FAM168A: variants seen among roughly 807,000 people sequenced by gnomAD.
FAM168A encodes family with sequence similarity 168 member A.
A neutral mutation model predicts 28.5 loss-of-function variants in FAM168A; 3 were observed. The observed-to-expected ratio is 0.11, with a 90% CI of 0.05 to 0.27. FAM168A has a LOEUF of 0.27. Among genes scored for constraint, FAM168A ranks in the 10% least tolerant of loss-of-function variants. The pLI, the probability that FAM168A is intolerant of heterozygous loss-of-function variation, is 1.00. For missense variants in FAM168A, 222 were observed against 311.5 expected, an observed-to-expected ratio of 0.71 and a Z score of 2.16; for synonymous variants, 122 against 124.2, an observed-to-expected ratio of 0.98 and a Z score of 0.12.
intron 1 of FAM168A, among the ~76,000 whole-genome samples, chr11:73,569,717 G>A (rs1280374740): frequency 6.6e-6 from 1 of 152,074 alleles, no homozygotes; most frequent in Admixed American, 6.6e-5. Context: ...AGCTACTCAG[G>A]AGGCTGAGGC....
intron 1 of FAM168A, among the ~76,000 whole-genome samples, chr11:73,572,609 G>A (rs1944116339): frequency 6.7e-6 from 1 of 149,886 alleles, no homozygotes; most frequent in Non-Finnish European, 1.5e-5. Flanking sequence ...CATGTGCTGT[G>A]TCCACTCAGG....
chr11:73,564,386 C>A (rs1943994170), intron 1 of FAM168A, among the ~76,000 whole-genome samples: 1 of 152,126 alleles, frequency 6.6e-6, no homozygotes, highest in Admixed American at 6.5e-5. Flanking sequence ...ACTGTGCTCT[C>A]ACAGAATATA....
intron 1 of FAM168A, among the ~76,000 whole-genome samples, chr11:73,539,435 A>T (rs958903919): frequency 4.6e-5 from 7 of 151,890 alleles, no homozygotes; most frequent in African/African-American, 1.7e-4. Flanking sequence ...ATGCCTGGCT[A>T]ATTTTTTGTA....
chr11:73,430,763 G>C lies in FAM168A; in HGVS notation c.78C>G (p.Pro26=). 6.2e-7 allele frequency: 1 copy of C among 1,611,006 alleles called. No homozygotes were observed. Among genetic ancestry groups the C allele is most frequent in the Non-Finnish European group, 8.5e-7 (1 of 1,178,446 alleles). Residue 26 remains proline (P), a synonymous_variant, in exon 3 of 8, where the codon CCC becomes CCG. Transcript: ENST00000356467. ...NPKNMAYTGY[P]TAYPAAAPAY... ...CAGGGGCAGCTGCTGGATAGGCTGTGGGGTAACCTACAGAGAGATAAGAAA... is the reference window on the plus strand; with the variant it reads ...CAGGGGCAGCTGCTGGATAGGCTGTCGGGTAACCTACAGAGAGATAAGAAA...
At chr11:73,426,618 T>A (rs1866888486) in intron 3 of FAM168A, among the ~76,000 whole-genome samples, 1 of 152,118 alleles carries the variant, frequency 6.6e-6, no homozygotes, top group East Asian at 1.9e-4. Flanking sequence ...AGTCAGGAAA[T>A]CTGCACTGTG....
At chr11:73,551,216 T>C (rs1224927723) in intron 1 of FAM168A, among the ~76,000 whole-genome samples, 1 of 151,994 alleles carries the variant, frequency 6.6e-6, no homozygotes, top group African/African-American at 2.4e-5. Context: ...TCCTCCAAGT[T>C]ATGAAAAAAC....
At chr11:73,499,371 T>G (rs113465107) in intron 1 of FAM168A, among the ~76,000 whole-genome samples, 12,575 of 149,614 alleles carry the variant, frequency 0.084, 649 homozygotes, top group Non-Finnish European at 0.11. Flanking sequence ...CATCCAAGAG[T>G]CAGCAGCCTC....
chr11:73,422,778 T>G (rs1307786893), intron 3 of FAM168A, among the ~76,000 whole-genome samples: 1 of 145,616 alleles, frequency 6.9e-6, no homozygotes, highest in Non-Finnish European at 1.5e-5. Context: ...ATGTTATCCC[T>G]CAATTAAACG....
chr11:73,594,699 T>G (rs1944424344), intron 1 of FAM168A, among the ~76,000 whole-genome samples: 1 of 152,130 alleles, frequency 6.6e-6, no homozygotes, highest in Non-Finnish European at 1.5e-5. Flanking sequence ...CAGCTAATTT[T>G]TGTATTTGTA....
intron 1 of FAM168A, among the ~76,000 whole-genome samples, chr11:73,536,706 T>C (rs768542113): frequency 3.9e-5 from 6 of 151,996 alleles, no homozygotes; most frequent in Admixed American, 1.3e-4. Flanking sequence ...ATAATAATAA[T>C]AGGCCTCTCC....
At chr11:73,506,492 A>G (rs1021480231) in intron 1 of FAM168A, among the ~76,000 whole-genome samples, 13 of 152,194 alleles carry the variant, frequency 8.5e-5, no homozygotes, top group African/African-American at 3.1e-4. Context: ...GCCTGTGCTC[A>G]TGAAATCCCT....
intron 1 of FAM168A, among the ~76,000 whole-genome samples, chr11:73,549,030 C>T (rs999252809): frequency 2.0e-5 from 3 of 152,112 alleles, no homozygotes; most frequent in Admixed American, 2.0e-4. Flanking sequence ...CAACCTCCAC[C>T]CCCCGAGTTC....
intron 1 of FAM168A, among the ~76,000 whole-genome samples, chr11:73,576,636 T>A (rs1393838340): frequency 6.6e-6 from 1 of 152,172 alleles, no homozygotes; most frequent in African/African-American, 2.4e-5. Context: ...ATCAACTGTT[T>A]TCTACATGCC....
intron 1 of FAM168A, among the ~76,000 whole-genome samples, chr11:73,581,490 A>G (rs1944243667): frequency 6.6e-6 from 1 of 152,250 alleles, no homozygotes; most frequent in Admixed American, 6.5e-5. Flanking sequence ...TGAGATTCAC[A>G]GAGTACTTAA....
At chr11:73,407,470 G>A in intron 7 of FAM168A, 43 bp downstream of exon 7, 2 of 1,393,364 alleles carry the variant, frequency 1.4e-6, no homozygotes, top group Non-Finnish European at 9.7e-7. Context: ...GGCAGTTCCT[G>A]TATGTATCCC....
At chr11:73,469,002 C>T (rs1004403460) in intron 1 of FAM168A, among the ~76,000 whole-genome samples, 4 of 152,144 alleles carry the variant, frequency 2.6e-5, no homozygotes, top group South Asian at 2.1e-4. Flanking sequence ...GTGTCTCATC[C>T]GCCCCTTACA....
intron 1 of FAM168A, among the ~76,000 whole-genome samples, chr11:73,509,970 AC>A (rs1341191332): frequency 6.6e-6 from 1 of 151,924 alleles, no homozygotes; most frequent in African/African-American, 2.4e-5. Flanking sequence ...CTTTCCCTTT[AC>A]CGCCATTCAC....
chr11:73,430,839 A>AC, intron 2 of FAM168A, 69 bp from the exon 3 acceptor site: 5 of 1,287,344 alleles, frequency 3.9e-6, no homozygotes, highest in Admixed American at 2.3e-5. Context: ...ACAAAACAAA[A>AC]AAACACCCAG....
At chr11:73,408,691 G>T (rs112673365) in intron 6 of FAM168A, among the ~76,000 whole-genome samples, 42 of 149,838 alleles carry the variant, frequency 2.8e-4, no homozygotes, top group African/African-American at 1.0e-3. Context: ...GAGGTGGGAA[G>T]ATCACTTGAG....
Sources: gnomAD v4.1 joint callset for allele counts (sites outside exome capture counted in the v4.1 genomes callset) on GRCh38, gnomAD v4.1.1 for gene constraint, MANE v1.5 for transcripts, NCBI Gene and HGNC (gene_info 2026-07-23, HGNC 2026-07-21) for gene names.